The following FHIT variants were observed in gnomAD, a reference collection of about 807,000 sequenced individuals.
The protein encoded by FHIT is fragile histidine triad diadenosine triphosphatase, also known as bis(5'-adenosyl)-triphosphatase.
Under a neutral mutation model 17.9 loss-of-function variants are expected in FHIT, and 19 were observed. The observed-to-expected ratio is 1.06, with a 90% CI of 0.74 to 1.56. The LOEUF (loss-of-function observed/expected upper bound fraction) is 1.56. Among genes scored for constraint, FHIT ranks in the 40% most tolerant of loss-of-function variants. The pLI is 0.00. For missense variants in FHIT, 248 were observed against 189.2 expected (o/e 1.31, Z -1.82); for synonymous variants, 81 against 69.7 (o/e 1.16, Z -0.81).
chr3:60,931,222 G>T (rs977430458), intron 3 of FHIT, among the ~76,000 whole-genome samples: 1 of 151,946 alleles, frequency 6.6e-6, no homozygotes, highest in Non-Finnish European at 1.5e-5. Context: ...TGTGGGGTGG[G>T]GGGAGTGGGG....
At chr3:60,002,605 G>A (rs1699773061) in intron 7 of FHIT, among the ~76,000 whole-genome samples, 1 of 152,192 alleles carries the variant, frequency 6.6e-6, no homozygotes, top group African/African-American at 2.4e-5. Flanking sequence ...TCACTCAAAT[G>A]TCCTCAGGAA....
intron 5 of FHIT, among the ~76,000 whole-genome samples, chr3:60,121,950 T>G (rs1559651441): frequency 6.6e-6 from 1 of 152,192 alleles, no homozygotes; most frequent in Non-Finnish European, 1.5e-5. Flanking sequence ...TTTCACTCTT[T>G]GCTCAAACCA....
At chr3:60,157,505 G>C (rs138499965) in intron 5 of FHIT, among the ~76,000 whole-genome samples, 1 of 152,116 alleles carries the variant, frequency 6.6e-6, no homozygotes, top group African/African-American at 2.4e-5. Context: ...AATAGCTCTT[G>C]TATTAGCATC....
At chr3:59,995,166 C>T (rs1699454426) in intron 7 of FHIT, among the ~76,000 whole-genome samples, 1 of 151,800 alleles carries the variant, frequency 6.6e-6, no homozygotes, top group Non-Finnish European at 1.5e-5. Flanking sequence ...GCTGCTGCAA[C>T]CGGAAATTAC....
intron 5 of FHIT, among the ~76,000 whole-genome samples, chr3:60,486,343 A>C (rs2033839137): frequency 6.6e-6 from 1 of 152,186 alleles, no homozygotes; most frequent in African/African-American, 2.4e-5. Flanking sequence ...TCACAAAAGC[A>C]TTATCTAGTC....
At chr3:60,796,643 C>G (rs1484106878) in intron 4 of FHIT, among the ~76,000 whole-genome samples, 3 of 152,106 alleles carry the variant, frequency 2.0e-5, no homozygotes, top group Non-Finnish European at 4.4e-5. Flanking sequence ...AGTGCAGTGG[C>G]ACAAGCTTGG....
At chr3:59,846,639 T>A (rs1701730537) in intron 8 of FHIT, among the ~76,000 whole-genome samples, 1 of 152,188 alleles carries the variant, frequency 6.6e-6, no homozygotes, top group South Asian at 2.1e-4. Flanking sequence ...CTAGCTTTTC[T>A]ACTTACAAAT....
chr3:60,563,730 C>G (rs2156971), intron 4 of FHIT, among the ~76,000 whole-genome samples: 2 of 152,306 alleles, frequency 1.3e-5, no homozygotes, highest in African/African-American at 2.4e-5. Context: ...GGTCCTAACT[C>G]TCTCCAATTG....
At chr3:60,160,485 T>G (rs1209012036) in intron 5 of FHIT, among the ~76,000 whole-genome samples, 4 of 152,200 alleles carry the variant, frequency 2.6e-5, no homozygotes, top group South Asian at 2.1e-4. Flanking sequence ...GTTCTAATGT[T>G]GCCAAGGAAT....
chr3:60,166,764 C>T (rs1479994659), intron 5 of FHIT, among the ~76,000 whole-genome samples: 1 of 152,138 alleles, frequency 6.6e-6, no homozygotes, highest in East Asian at 1.9e-4. Context: ...TTTTTGTTTT[C>T]TCTTTCCCTA....
At chr3:60,590,074 G>A (rs2038035310) in intron 4 of FHIT, among the ~76,000 whole-genome samples, 1 of 151,920 alleles carries the variant, frequency 6.6e-6, no homozygotes, top group African/African-American at 2.4e-5. Context: ...ACTCTTCCAA[G>A]TTTTAAAAAT....
At chr3:60,428,105 G>A (rs1702742203) in intron 5 of FHIT, among the ~76,000 whole-genome samples, 1 of 152,124 alleles carries the variant, frequency 6.6e-6, no homozygotes, top group Non-Finnish European at 1.5e-5. Context: ...GTATTTACAA[G>A]TAGGTCTTCC....
intron 4 of FHIT, among the ~76,000 whole-genome samples, chr3:60,566,808 A>G (rs1258518097): frequency 3.3e-5 from 5 of 151,016 alleles, no homozygotes; most frequent in Admixed American, 3.3e-4. Flanking sequence ...ATTCTTATAC[A>G]CCAACAACAG....
At chr3:60,520,584 T>C (rs2035320479) in intron 5 of FHIT, among the ~76,000 whole-genome samples, 1 of 152,166 alleles carries the variant, frequency 6.6e-6, no homozygotes, top group Non-Finnish European at 1.5e-5. Flanking sequence ...AATGAAGGTC[T>C]ACTGCTTATT....
chr3:59,939,449 T>C (rs1706402357), intron 7 of FHIT, among the ~76,000 whole-genome samples: 1 of 152,130 alleles, frequency 6.6e-6, no homozygotes, highest in African/African-American at 2.4e-5. Context: ...CGGAGACCTT[T>C]TAGGAACTTT....
At chr3:61,120,429 T>C (rs2106919654) in intron 2 of FHIT, among the ~76,000 whole-genome samples, 1 of 152,330 alleles carries the variant, frequency 6.6e-6, no homozygotes, top group South Asian at 2.1e-4. Context: ...AAACATTATA[T>C]TTGAATACTG....
intron 8 of FHIT, among the ~76,000 whole-genome samples, chr3:59,903,912 G>C (rs1385511985): frequency 1.3e-5 from 2 of 152,100 alleles, no homozygotes; most frequent in Non-Finnish European, 2.9e-5. Flanking sequence ...TGGAATGTCA[G>C]GAACTGAATT....
At chr3:60,408,484 A>T (rs1298535386) in intron 5 of FHIT, among the ~76,000 whole-genome samples, 1 of 152,202 alleles carries the variant, frequency 6.6e-6, no homozygotes, top group Non-Finnish European at 1.5e-5. Context: ...GAAATGTGTG[A>T]AAACAATGAG....
At chr3:61,176,603 C>T (rs1407419753) in intron 2 of FHIT, among the ~76,000 whole-genome samples, 1 of 152,060 alleles carries the variant, frequency 6.6e-6, no homozygotes, top group Admixed American at 6.6e-5. Context: ...TTGCAATATC[C>T]ACCTCGAGGT....
Sources: gnomAD v4.1 joint callset for allele counts (sites outside exome capture counted in the v4.1 genomes callset) on GRCh38, gnomAD v4.1.1 for gene constraint, MANE v1.5 for transcripts, NCBI Gene and HGNC (gene_info 2026-07-23, HGNC 2026-07-21) for gene names.